The following SMYD4 variants were observed in gnomAD, a reference collection of about 807,000 sequenced individuals.
SMYD4 encodes the protein protein-lysine N-methyltransferase SMYD4.
Under a neutral mutation model 72.8 loss-of-function variants are expected in SMYD4, and 68 were observed. The observed-to-expected ratio is 0.93, with a 90% CI of 0.77 to 1.14. The LOEUF (loss-of-function observed/expected upper bound fraction) is 1.14, where lower values mean the gene tolerates loss of function less well. SMYD4 is among the 50% of genes most tolerant of loss of function. SMYD4 has a pLI of 0.00. For missense variants in SMYD4, 984 were observed against 1,003.7 expected (o/e 0.98, Z 0.27); for synonymous variants, 407 against 388.6 (o/e 1.05, Z -0.56).
intron 2 of SMYD4, among the ~76,000 whole-genome samples, chr17:1,818,056 A>AAG (rs1555580842): frequency 6.6e-6 from 1 of 151,804 alleles, no homozygotes; most frequent in African/African-American, 2.4e-5. Context: ...CAAAAAAAAA[A>AAG]AAAAAAAAAG....
intron 2 of SMYD4, among the ~76,000 whole-genome samples, chr17:1,813,143 T>C (rs1225928059): frequency 6.6e-6 from 1 of 152,140 alleles, no homozygotes; most frequent in African/African-American, 2.4e-5. Flanking sequence ...TTCACCATTT[T>C]GGCCAGGTTT....
At chr17:1,798,642 A>T (rs1220334065) in intron 5 of SMYD4, among the ~76,000 whole-genome samples, 1 of 152,112 alleles carries the variant, frequency 6.6e-6, no homozygotes, top group Non-Finnish European at 1.5e-5. Context: ...TCATGCCTGT[A>T]ATCTCAGCAT....
At chr17:1,817,048 CTTT>C (rs34482955) in intron 2 of SMYD4, among the ~76,000 whole-genome samples, 13 of 138,368 alleles carry the variant, frequency 9.4e-5, no homozygotes, top group Non-Finnish European at 1.4e-4. Context: ...TGCACAAAAC[CTTT>C]TTTTTTTTTT....
intron 5 of SMYD4, among the ~76,000 whole-genome samples, chr17:1,792,545 G>A (rs990241960): frequency 6.6e-6 from 1 of 152,108 alleles, no homozygotes; most frequent in African/African-American, 2.4e-5. Context: ...GGTGCCTGAG[G>A]AGGGAGGATC....
At position 1,801,168 on chromosome 17, in the gene SMYD4, G is replaced by C. The variant is rs185326569; in HGVS notation, c.370-144C>G. 1.4e-3 allele frequency: 971 copies of C among 701,302 alleles called. 9 individuals carry two copies. The highest frequency in any genetic ancestry group is 8.4e-3 in the South Asian group (431 of 51,600). The allele number at this position is 701,302 out of a possible 1,614,324, so 43.4% of individuals were successfully genotyped here. Reference sequence around the variant, plus strand: ...ACCACATGCTTATTAAAATCATATAGTTCTGTGTGATCCTTTGAGTGATTA... The same window carrying C: ...ACCACATGCTTATTAAAATCATATACTTCTGTGTGATCCTTTGAGTGATTA... On this transcript the variant is annotated intron_variant, in intron 4 of 10. Coordinates refer to ENST00000305513, the MANE Select transcript of SMYD4 (RefSeq NM_052928.3).
Position 1,786,864 on chromosome 17 carries a change from A to G in SMYD4, c.1830T>C (p.Ala610=), listed in dbSNP as rs757153604. The change falls in exon 7 of 11, where the codon GCT becomes GCC. Residue 610 remains alanine (A), a synonymous_variant. Transcript: ENST00000305513. ...PACQTEAHRM[A]AGPRWEAFCC... is the part of the protein sequence containing the mutation. Reference sequence around the variant, plus strand: ...AGAATGCTTCCCACCTGGGCCCTGCAGCCATCCTGTGTGCCTCAGTTTGAC... The same window carrying G: ...AGAATGCTTCCCACCTGGGCCCTGCGGCCATCCTGTGTGCCTCAGTTTGAC... 2 of 1,614,226 alleles carry G rather than the reference A, an allele frequency of 1.2e-6. No homozygotes were observed. Among genetic ancestry groups the G allele is most frequent in the Non-Finnish European group, 1.7e-6 (2 of 1,180,038 alleles).
intron 5 of SMYD4, among the ~76,000 whole-genome samples, chr17:1,794,618 A>G (rs1328671588): frequency 6.6e-6 from 1 of 151,998 alleles, no homozygotes; most frequent in African/African-American, 2.4e-5. Flanking sequence ...GTTGTTAATG[A>G]TTTGAAAAAG....
chr17:1,803,952 T>A (rs1308686286), intron 4 of SMYD4, among the ~76,000 whole-genome samples: 1 of 151,456 alleles, frequency 6.6e-6, no homozygotes, highest in Non-Finnish European at 1.5e-5. Flanking sequence ...CTGGGCTCAC[T>A]GCAACCTCTG....
At chr17:1,801,087 A>C (rs1414757585) in intron 4 of SMYD4, 63 bp from the exon 5 acceptor site, 1 of 1,456,164 alleles carries the variant, frequency 6.9e-7, no homozygotes, top group African/African-American at 1.4e-5. Context: ...TTTACTGAAA[A>C]TGTTTCCAAA....
At chr17:1,784,563 G>A in intron 7 of SMYD4, 102 bp from the exon 8 acceptor site, 1 of 1,529,810 alleles carries the variant, frequency 6.5e-7, no homozygotes, top group Non-Finnish European at 8.8e-7. Flanking sequence ...ACCTCATGGG[G>A]GAAAGAGACT....
Position 1,783,463 on chromosome 17 carries a change from C to A in SMYD4, c.2034G>T (p.Gln678His), listed in dbSNP as rs1275411326. 6.2e-7 allele frequency: 1 copy of A among 1,609,244 alleles called. No individual in the cohort carries two copies. The highest frequency in any genetic ancestry group is 8.5e-7 in the Non-Finnish European group (1 of 1,178,172). The change falls in exon 9 of 11, where the codon CAG (glutamine) becomes CAT (histidine). Residue 678 changes from glutamine (Q) to histidine (H), a missense_variant. Coordinates refer to ENST00000305513, the MANE Select transcript of SMYD4 (RefSeq NM_052928.3). ...LRDGELERAVQRLSGCQRDAE... is the reference protein window; with the variant it reads ...LRDGELERAVHRLSGCQRDAE... ...CGTCACGCTGGCACCCCGACAGCCG[C>A]TGAACAGCTCGCTCTGTCAATGCAG...
intron 10 of SMYD4, chr17:1,782,753 C>T (rs1908430731): frequency 2.0e-5 from 5 of 245,566 alleles, no homozygotes; most frequent in Admixed American, 5.5e-5. Context: ...CCCCATATCT[C>T]CCAGGAGGAA....
At chr17:1,801,055 C>T in intron 4 of SMYD4, 31 bp from the exon 5 acceptor site, 1 of 1,550,688 alleles carries the variant, frequency 6.4e-7, no homozygotes, top group South Asian at 1.2e-5. Context: ...CCACAATGAC[C>T]CTTGGTCCCT....
chr17:1,795,444 TAATC>T (rs1433239991), intron 5 of SMYD4, among the ~76,000 whole-genome samples: 1 of 145,032 alleles, frequency 6.9e-6, no homozygotes, highest in Non-Finnish European at 1.5e-5. Context: ...TCTATCTATC[TAATC>T]ATCTATCTAT....
At position 1,781,252 on chromosome 17, in the gene SMYD4, C is replaced by T; in HGVS notation, c.*34G>A. The stretch of plus-strand genomic sequence containing the variant: ...ACCTCTTTAACTTGTGTTCCATGGG[C>T]TCCTTTTCTGTGGGTCAAAATCCTC... On this transcript the variant is annotated 3_prime_UTR_variant, in exon 11 of 11. Transcript: ENST00000305513. The T allele has an allele frequency of 1.9e-6, 3 of 1,599,934 alleles. No individual in the cohort carries two copies. Among genetic ancestry groups the T allele is most frequent in the Non-Finnish European group, 1.7e-6 (2 of 1,175,440 alleles).
In SMYD4 at chr17:1,799,955, T is replaced by A; in HGVS notation, c.1439A>T (p.Glu480Val). Reference protein sequence around the residue: ...SSQLKAAVTPELCPDVTIWGV... With the variant: ...SSQLKAAVTPVLCPDVTIWGV... ...CCAAATAGTCACGTCAGGACACAAT[T>A]CAGGTGTCACTGCTGCTTTAAGCTG... Residue 480 changes from glutamate (E) to valine (V), a missense_variant, in exon 5 of 11, where the codon GAA becomes GTA. Transcript: ENST00000305513. 6.2e-7 allele frequency: 1 copy of A among 1,614,140 alleles called. No homozygotes were observed. Among genetic ancestry groups the A allele is most frequent in the African/African-American group, 1.3e-5 (1 of 75,044 alleles).
Position 1,826,423 on chromosome 17 carries a change from C to T in SMYD4, c.134+1438G>A, listed in dbSNP as rs371973826. On this transcript the variant is annotated intron_variant, in intron 2 of 10. Coordinates refer to ENST00000305513, the MANE Select transcript of SMYD4 (RefSeq NM_052928.3). ...AGGAGAATCACTTGAACTTGGGAGG[C>T]GGAGGTTGCAGTGAGCCAAGACTGT... 2.1e-4 allele frequency among the ~76,000 whole-genome samples: 29 copies of T among 135,944 alleles called. 2 individuals are homozygous for T. The highest frequency in any genetic ancestry group is 1.6e-3 in the Admixed American group (18 of 11,586). 89.2% of individuals were successfully genotyped at this position (135,944 alleles called of 152,430 possible).
At position 1,800,950 on chromosome 17, in the gene SMYD4, A is replaced by G; in HGVS notation, c.444T>C (p.Arg148=). The G allele has an allele frequency of 6.2e-7, 1 of 1,614,174 alleles. No homozygotes were observed. Among genetic ancestry groups the G allele is most frequent in the Non-Finnish European group, 8.5e-7 (1 of 1,180,014 alleles). The change falls in exon 5 of 11, where the codon CGT becomes CGC. Residue 148 remains arginine, a synonymous_variant. Transcript: ENST00000305513. ...PERLQPKIML[R]KAECLVALGR... The stretch of plus-strand genomic sequence containing the variant: ...CCAGGGCCACCAGACATTCTGCTTT[A>G]CGTAACATAATCTTGGGTTGCAACC...
intron 2 of SMYD4, among the ~76,000 whole-genome samples, chr17:1,821,314 A>C (rs1372573033): frequency 6.6e-6 from 1 of 152,134 alleles, no homozygotes; most frequent in Non-Finnish European, 1.5e-5. Flanking sequence ...TAGGAGTTTG[A>C]GACCAGCCTG....
Sources: gnomAD v4.1 joint callset for allele counts (sites outside exome capture counted in the v4.1 genomes callset) on GRCh38, gnomAD v4.1.1 for gene constraint, MANE v1.5 for transcripts, NCBI Gene and HGNC (gene_info 2026-07-23, HGNC 2026-07-21) for gene names.